NCK1: variants seen among roughly 807,000 people sequenced by gnomAD.
NCK1 encodes SH2/SH3 adapter protein NCK1.
In NCK1, 19 loss-of-function variants were observed where a neutral mutation model predicts 36.6. That is an observed-to-expected ratio of 0.52 (90% CI 0.36 to 0.76). NCK1 has a LOEUF of 0.76. Ranked by LOEUF, NCK1 falls within the 30% of genes least tolerant of loss-of-function variation. The probability of loss-of-function intolerance (pLI) is 0.00; values close to 1 mark genes in which losing one functional copy is unlikely to be tolerated. For missense variants in NCK1, 358 were observed against 445.6 expected, an observed-to-expected ratio of 0.80 and a Z score of 1.77; for synonymous variants, 165 against 156.0, an observed-to-expected ratio of 1.06 and a Z score of -0.43.
At position 136,946,295 on chromosome 3, in the gene NCK1, G is replaced by T. The variant is rs765895012; in HGVS notation, c.939G>T (p.Ser313=). ...TCCTCATTCGTGATAGTGAATCTTC[G>T]GTAAGTTGATTTTCGGAGGTAAATA... ...GDFLIRDSES[S]PNDFSVSLKA... Residue 313 remains serine (S), a splice_region_variant and synonymous_variant, in exon 3 of 4, where the codon TCG becomes TCT. Coordinates refer to ENST00000481752, the MANE Select transcript of NCK1 (RefSeq NM_001291999.2). 6.2e-7 allele frequency: 1 copy of T among 1,601,644 alleles called. No individual in the cohort carries two copies. The highest frequency in any genetic ancestry group is 8.5e-7 in the Non-Finnish European group (1 of 1,172,214).
intron 1 of NCK1, chr3:136,899,868 C>CTTT: frequency 8.8e-7 from 1 of 1,141,994 alleles, no homozygotes; most frequent in Non-Finnish European, 1.2e-6. Context: ...TAAAGCCATC[C>CTTT]TTTTTTTTTT....
At chr3:136,868,003 C>T (rs1369220475) in intron 1 of NCK1, among the ~76,000 whole-genome samples, 2 of 151,936 alleles carry the variant, frequency 1.3e-5, no homozygotes, top group Admixed American at 6.6e-5. Flanking sequence ...CTGCAACCTC[C>T]GCCTCTCGGG....
intron 1 of NCK1, among the ~76,000 whole-genome samples, chr3:136,920,866 A>G (rs1490192740): frequency 1.3e-5 from 2 of 152,240 alleles, no homozygotes; most frequent in African/African-American, 4.8e-5. Context: ...GGAATTAAAC[A>G]TAAATGGCCT....
At chr3:136,897,529 GAAAAATATCT>G (rs1477056236) in intron 1 of NCK1, among the ~76,000 whole-genome samples, 1 of 152,028 alleles carries the variant, frequency 6.6e-6, no homozygotes, top group Non-Finnish European at 1.5e-5. Flanking sequence ...GCCTTTCTTT[GAAAAATATCT>G]ATTCATGTCC....
chr3:136,935,053 C>T (rs1940494302), intron 2 of NCK1, among the ~76,000 whole-genome samples: 1 of 152,106 alleles, frequency 6.6e-6, no homozygotes, highest in Admixed American at 6.5e-5. Flanking sequence ...AGGTGTGCGC[C>T]ACCATGACTG....
At position 136,949,276 on chromosome 3, in the gene NCK1, T is replaced by G. The variant is rs940210385; in HGVS notation, c.*823T>G. ...CTAGAGCATCTTGTATTAGGACATGTTATATTTATGCCAGTGGGAAATAAG... is the reference window on the plus strand; with the variant it reads ...CTAGAGCATCTTGTATTAGGACATGGTATATTTATGCCAGTGGGAAATAAG... On this transcript the variant is annotated 3_prime_UTR_variant, in exon 4 of 4. Transcript: ENST00000481752. 3.3e-5 allele frequency: 5 copies of G among 152,006 alleles called. No individual in the cohort carries two copies. Among genetic ancestry groups the G allele is most frequent in the African/African-American group, 1.2e-4 (5 of 41,434 alleles). 9.4% of individuals were successfully genotyped at this position (152,006 alleles called of 1,614,324 possible).
At chr3:136,895,757 G>T (rs570226929) in intron 1 of NCK1, among the ~76,000 whole-genome samples, 250 of 152,100 alleles carry the variant, frequency 1.6e-3, no homozygotes, top group Non-Finnish European at 2.6e-3. Context: ...TAGAGACAGG[G>T]TTTTGCTATG....
At chr3:136,919,140 A>G (rs1464066350) in intron 1 of NCK1, among the ~76,000 whole-genome samples, 1 of 152,204 alleles carries the variant, frequency 6.6e-6, no homozygotes, top group African/African-American at 2.4e-5. Flanking sequence ...GCAAAACTAC[A>G]TAGGGACAGA....
At chr3:136,902,066 G>A (rs1939554609) in intron 1 of NCK1, among the ~76,000 whole-genome samples, 1 of 151,100 alleles carries the variant, frequency 6.6e-6, no homozygotes, top group South Asian at 2.1e-4. Flanking sequence ...ATTTTCATTT[G>A]TTTCAATAAT....
chr3:136,888,387 A>C (rs1939130580), intron 1 of NCK1, among the ~76,000 whole-genome samples: 1 of 152,106 alleles, frequency 6.6e-6, no homozygotes, highest in African/African-American at 2.4e-5. Context: ...GAGTTGTGCA[A>C]CCATCACCAC....
chr3:136,950,016 A>C lies in NCK1; in HGVS notation c.*1563A>C, dbSNP rs898008353. Among the ~76,000 whole-genome samples the C allele has an allele frequency of 6.6e-6, 1 of 152,006 alleles. No homozygotes were observed. Among genetic ancestry groups the C allele is most frequent in the African/African-American group, 2.4e-5 (1 of 41,420 alleles). Reference sequence around the variant, plus strand: ...TTTAAAACATTTTAGTTCATATTCTATTATTTTTCTAACTCAGTACTCCTT... The same window carrying C: ...TTTAAAACATTTTAGTTCATATTCTCTTATTTTTCTAACTCAGTACTCCTT... On this transcript the variant is annotated 3_prime_UTR_variant, in exon 4 of 4. Transcript: ENST00000481752.
intron 1 of NCK1, among the ~76,000 whole-genome samples, chr3:136,890,887 G>A (rs1291472134): frequency 6.6e-6 from 1 of 152,032 alleles, no homozygotes; most frequent in Non-Finnish European, 1.5e-5. Context: ...CAACTCCCAA[G>A]TCTGCCATCC....
chr3:136,881,323 A>G (rs1486980228), intron 1 of NCK1, among the ~76,000 whole-genome samples: 1 of 151,994 alleles, frequency 6.6e-6, no homozygotes, highest in Non-Finnish European at 1.5e-5. Context: ...GGGTTCAAGC[A>G]GTTCTTCTTC....
intron 2 of NCK1, among the ~76,000 whole-genome samples, chr3:136,934,456 T>G (rs1940473039): frequency 6.6e-6 from 1 of 151,986 alleles, no homozygotes; most frequent in African/African-American, 2.4e-5. Context: ...TGGCTAATTT[T>G]TGTGTTTTTA....
rs1275210532 is a variant in NCK1, at chr3:136,946,063, A to G, written c.707A>G (p.Asn236Ser). ...GAGTGGTGGAAATGCAGGAAGATCA[A>G]TGGTATGGTTGGTCTAGTACCAAAA... ...DPEWWKCRKI[N>S]GMVGLVPKNY... Residue 236 changes from asparagine to serine, a missense_variant, in exon 3 of 4, where the codon AAT (asparagine) becomes AGT (serine). Physicochemically the swap from Asn to Ser is conservative, Grantham distance 46 (BLOSUM62 1). Coordinates refer to ENST00000481752, the MANE Select transcript of NCK1 (RefSeq NM_001291999.2). 1.9e-6 allele frequency: 3 copies of G among 1,613,986 alleles called. No homozygotes were observed. Among genetic ancestry groups the G allele is most frequent in the South Asian group, 2.2e-5 (2 of 91,076 alleles).
intron 2 of NCK1, 96 bp downstream of exon 2, chr3:136,928,323 C>T: frequency 8.3e-7 from 1 of 1,200,780 alleles, no homozygotes; most frequent in East Asian, 2.5e-5. Context: ...GCATAATTGA[C>T]TTGAAAAGGC....
At chr3:136,880,449 A>G (rs1938899621) in intron 1 of NCK1, among the ~76,000 whole-genome samples, 1 of 152,230 alleles carries the variant, frequency 6.6e-6, no homozygotes, top group Non-Finnish European at 1.5e-5. Flanking sequence ...GAAGATGACT[A>G]TCTACAAGCC....
At chr3:136,945,316 G>A (rs1481807198) in intron 2 of NCK1, among the ~76,000 whole-genome samples, 2 of 152,048 alleles carry the variant, frequency 1.3e-5, no homozygotes, top group African/African-American at 4.8e-5. Context: ...TTATAATTAT[G>A]TTATATAGTT....
intron 2 of NCK1, among the ~76,000 whole-genome samples, chr3:136,944,888 C>A (rs1455575030): frequency 6.6e-6 from 1 of 152,164 alleles, no homozygotes; most frequent in Non-Finnish European, 1.5e-5. Context: ...TCATTTCTTT[C>A]AACACATATG....
Sources: allele counts gnomAD v4.1 joint callset (sites outside exome capture counted in the v4.1 genomes callset), GRCh38; gene constraint gnomAD v4.1.1; transcripts MANE v1.5; gene names NCBI Gene and HGNC (gene_info 2026-07-23, HGNC 2026-07-21).